Variants in AFDN observed in about 807,000 individuals in gnomAD.
The protein encoded by AFDN is afadin.
AFDN carries 68 observed loss-of-function variants against 216.6 expected under a neutral mutation model. The observed-to-expected ratio is 0.31, with a 90% CI of 0.26 to 0.38. The LOEUF (loss-of-function observed/expected upper bound fraction) is 0.38, where lower values mean the gene tolerates loss of function less well. Ranked by LOEUF, AFDN falls within the 10% of genes least tolerant of loss-of-function variation. AFDN has a pLI of 1.00. For synonymous variants in AFDN, 868 were observed against 853.7 expected (o/e 1.02, Z -0.29); for missense variants, 2,136 against 2,342.0 (o/e 0.91, Z 1.82).
rs1395007181 is a variant in AFDN at position 167,893,898 on chromosome 6, C to T, written c.1214C>T (p.Thr405Ile). ...CACTTTGCCTACTACAACTATCACA[C>T]TTACGAAGGTAATGCTATGCTTACT... is the stretch of plus-strand genomic sequence containing the variant. ...RNHFAYYNYH[T>I]YEDGSDSRDK... The change falls in exon 9 of 34, where the codon ACT (threonine) becomes ATT (isoleucine). Residue 405 changes from threonine (T) to isoleucine (I), a missense_variant. Thr to Ile is a moderately conservative substitution (Grantham distance 89). Coordinates refer to ENST00000683244, the MANE Select transcript of AFDN (RefSeq NM_001386888.1). 12 of 1,586,394 alleles carry T rather than the reference C, an allele frequency of 7.6e-6. No homozygotes were observed. The highest frequency in any genetic ancestry group is 1.0e-5 in the Non-Finnish European group (12 of 1,164,260).
At chr6:167,933,412 C>T (rs914828098) in intron 23 of AFDN, among the ~76,000 whole-genome samples, 3 of 152,176 alleles carry the variant, frequency 2.0e-5, no homozygotes, top group Non-Finnish European at 2.9e-5. Flanking sequence ...GTCAGTTTCT[C>T]GCATAAACTG....
chr6:167,909,313 A>G (rs1321731096), intron 13 of AFDN, among the ~76,000 whole-genome samples: 1 of 151,898 alleles, frequency 6.6e-6, no homozygotes. Context: ...ATTTGGTTAT[A>G]TTTTTATTAT....
At chr6:167,860,737 G>T (rs562177812) in intron 1 of AFDN, among the ~76,000 whole-genome samples, 1 of 152,324 alleles carries the variant, frequency 6.6e-6, no homozygotes, top group Admixed American at 6.5e-5. Context: ...ATGTCTAGAC[G>T]TGGTGGATGA....
intron 23 of AFDN, among the ~76,000 whole-genome samples, chr6:167,937,310 T>C (rs958794711): frequency 5.0e-4 from 76 of 152,248 alleles, no homozygotes; most frequent in African/African-American, 1.7e-3. Context: ...CGTGATGCAT[T>C]GTCTTGACTT....
intron 1 of AFDN, among the ~76,000 whole-genome samples, chr6:167,835,421 A>G (rs558510818): frequency 5.3e-5 from 8 of 152,370 alleles, no homozygotes; most frequent in African/African-American, 9.6e-5. Context: ...TCAATTCACA[A>G]CTTAAACAAT....
At chr6:167,902,161 GT>G (rs1245800565) in intron 11 of AFDN, among the ~76,000 whole-genome samples, 155 bp from the exon 12 acceptor site, 3 of 151,706 alleles carry the variant, frequency 2.0e-5, no homozygotes, top group Non-Finnish European at 4.4e-5. Flanking sequence ...TCATAAGGTG[GT>G]TTTTTAATTC....
chr6:167,876,139 T>C (rs897137698), intron 5 of AFDN, among the ~76,000 whole-genome samples: 3 of 152,160 alleles, frequency 2.0e-5, no homozygotes, highest in African/African-American at 7.2e-5. Flanking sequence ...CAGGACTCTA[T>C]TTCTCCTGAG....
rs150951037 is a variant in AFDN at position 167,871,015 on chromosome 6, A to G, written c.414+517A>G. ...TGCTGCTATGTTTATTTTGTGCTAA[A>G]TCAAGTGGCATCTTACACAAGAATT... On this transcript the variant is annotated intron_variant, in intron 3 of 33. Coordinates refer to ENST00000683244, the MANE Select transcript of AFDN (RefSeq NM_001386888.1). Among the ~76,000 whole-genome samples the G allele has an allele frequency of 7.0e-3, 1,065 of 152,298 alleles. 16 individuals are homozygous for G. The highest frequency in any genetic ancestry group is 0.024 in the African/African-American group (1,012 of 41,560).
Position 167,922,033 on chromosome 6 carries a change from G to A in AFDN, c.2909-823G>A, listed in dbSNP as rs887015931. On this transcript the variant is annotated intron_variant, in intron 21 of 33. Transcript: ENST00000683244. ...ACTTGAGACTGTGGTGAAAAGCTGCGCAGAGTCTGTCACACAGGACGCTCT... is the reference window on the plus strand; with the variant it reads ...ACTTGAGACTGTGGTGAAAAGCTGCACAGAGTCTGTCACACAGGACGCTCT... 3.3e-5 allele frequency among the ~76,000 whole-genome samples: 5 copies of A among 152,166 alleles called. No homozygotes were observed. The South Asian group carries it at 6.2e-4, about 19-fold the overall frequency.
chr6:167,963,849 T>C (rs1291853772), intron 31 of AFDN: 1 of 1,063,862 alleles, frequency 9.4e-7, no homozygotes, highest in African/African-American at 1.6e-5. Context: ...TGTCTAAGTG[T>C]TGGTGGTTTT....
At chr6:167,827,579 C>T (rs1779291439) in intron 1 of AFDN, 1 of 144,794 alleles carries the variant, frequency 6.9e-6, no homozygotes, top group African/African-American at 2.5e-5. Flanking sequence ...TCATCCCCGG[C>T]GGCGCGGGGG....
intron 12 of AFDN, among the ~76,000 whole-genome samples, chr6:167,904,839 C>T (rs1789452278): frequency 6.6e-6 from 1 of 152,170 alleles, no homozygotes; most frequent in South Asian, 2.1e-4. Flanking sequence ...CATCATTCTC[C>T]TCACATTTAA....
intron 33 of AFDN, 123 bp downstream of exon 33, chr6:167,969,321 G>A: frequency 1.3e-6 from 1 of 749,046 alleles, no homozygotes; most frequent in South Asian, 1.6e-5. Context: ...CACCTGGATT[G>A]TAATTAGGAA....
chr6:167,937,713 A>G (rs1282858970), intron 23 of AFDN, among the ~76,000 whole-genome samples: 1 of 152,246 alleles, frequency 6.6e-6, no homozygotes, highest in Non-Finnish European at 1.5e-5. Context: ...ACAATCATGG[A>G]TTTGAGTTCC....
Position 167,880,352 on chromosome 6 carries a change from T to C in AFDN, c.740-8T>C. ...GTTGTACTCAAAGATGTCAAAATGT[T>C]TTTTCAGGTGGAACATTGAGAATTT... On this transcript the variant is annotated splice_region_variant and splice_polypyrimidine_tract_variant and intron_variant, in intron 5 of 33. Transcript: ENST00000683244. 6.2e-7 allele frequency: 1 copy of C among 1,609,898 alleles called. No individual in the cohort carries two copies. Among genetic ancestry groups the C allele is most frequent in the Non-Finnish European group, 8.5e-7 (1 of 1,177,486 alleles).
In AFDN at chr6:167,951,842, G is replaced by T. The variant is rs965512757; in HGVS notation, c.4488G>T (p.Thr1496=). The part of the protein sequence containing the change: ...RELQPQQQPR[T]IERRDLQYIT... ...TGCAGCCTCAGCAGCAGCCCCGCAC[G>T]ATCGAGCGCAGAGACTTGCAGTACA... The change falls in exon 30 of 34, where the codon ACG becomes ACT. Residue 1496 remains threonine, a synonymous_variant. Coordinates refer to ENST00000683244, the MANE Select transcript of AFDN (RefSeq NM_001386888.1). This position sits in a 1 kb window ranked among gnomAD's most constrained non-coding sequence, Gnocchi z 7.1. 1.1e-5 allele frequency: 18 copies of T among 1,613,984 alleles called. No homozygotes were observed. Among genetic ancestry groups the T allele is most frequent in the Non-Finnish European group, 1.4e-5 (16 of 1,180,022 alleles).
intron 6 of AFDN, among the ~76,000 whole-genome samples, chr6:167,885,436 T>G (rs1786670088): frequency 6.6e-6 from 1 of 152,138 alleles, no homozygotes. Context: ...CACTTAGAGG[T>G]CATTTTAGGG....
At chr6:167,954,323 T>A (rs1796288972) in intron 30 of AFDN, 5 of 567,512 alleles carry the variant, frequency 8.8e-6, no homozygotes, top group Non-Finnish European at 1.2e-5. Flanking sequence ...TTCTTTACCT[T>A]TCTCATCAAG....
intron 23 of AFDN, among the ~76,000 whole-genome samples, chr6:167,933,276 TTTTAGACAA>T (rs1347204573): frequency 1.3e-5 from 2 of 152,356 alleles, no homozygotes; most frequent in Admixed American, 6.5e-5. Context: ...AAGTTTATGC[TTTTAGACAA>T]TGTACTGATT....
Sources: gnomAD v4.1 joint callset for allele counts (sites outside exome capture counted in the v4.1 genomes callset) on GRCh38, gnomAD v4.1.1 for gene constraint, Gnocchi (gnomAD v3.1) non-coding constraint, MANE v1.5 for transcripts, NCBI Gene and HGNC (gene_info 2026-07-23, HGNC 2026-07-21) for gene names.